AJAP1: variants seen among roughly 807,000 people sequenced by gnomAD.
AJAP1 encodes the protein adherens junctions associated protein 1, also known as adherens junction-associated protein 1.
In AJAP1, 5 loss-of-function variants were observed where a neutral mutation model predicts 35.0. The observed-to-expected ratio is 0.14, with a 90% CI of 0.07 to 0.30. The LOEUF is 0.30. Among genes scored for constraint, AJAP1 ranks in the 10% least tolerant of loss-of-function variants. The pLI, the probability that AJAP1 is intolerant of heterozygous loss-of-function variation, is 1.00. For missense variants in AJAP1, 586 were observed against 571.0 expected, an observed-to-expected ratio of 1.03 and a Z score of -0.27; for synonymous variants, 284 against 249.3, an observed-to-expected ratio of 1.14 and a Z score of -1.31.
At chr1:4,771,267 A>C (rs1641828033) in intron 3 of AJAP1, among the ~76,000 whole-genome samples, 1 of 152,182 alleles carries the variant, frequency 6.6e-6, no homozygotes, top group Non-Finnish European at 1.5e-5. Flanking sequence ...TGCGTTTGGC[A>C]TTCACCTTCT....
At chr1:4,683,643 C>G (rs1229254870) in intron 1 of AJAP1, among the ~76,000 whole-genome samples, 4 of 152,198 alleles carry the variant, frequency 2.6e-5, no homozygotes, top group African/African-American at 9.6e-5. Context: ...AGTCTTTCCC[C>G]CGGGGACTCT....
chr1:4,705,140 G>A (rs935695054), intron 1 of AJAP1, among the ~76,000 whole-genome samples: 2 of 152,068 alleles, frequency 1.3e-5, no homozygotes, highest in African/African-American at 4.8e-5. Context: ...TTCTTTTGCT[G>A]TGCAGAAGCT....
In AJAP1 at chr1:4,670,228, G is replaced by A. The variant is rs953292636; in HGVS notation, c.29+14774G>A. ...TGTTCACAGCGCTGGGCCTGTGGCA[G>A]CCGGTCTGTCTTTACTCCTTACACA... On this transcript the variant is annotated intron_variant, in intron 1 of 5. Transcript: ENST00000378191. 5.9e-5 allele frequency among the ~76,000 whole-genome samples: 9 copies of A among 152,120 alleles called. 1 individual carries two copies. Among genetic ancestry groups the A allele is most frequent in the African/African-American group, 1.2e-4 (5 of 41,434 alleles).
At chr1:4,676,173 C>T (rs531442987) in intron 1 of AJAP1, among the ~76,000 whole-genome samples, 4 of 152,190 alleles carry the variant, frequency 2.6e-5, no homozygotes, top group Non-Finnish European at 5.9e-5. Flanking sequence ...TGTGCACCGG[C>T]CTTGCCTCCT....
At chr1:4,664,897 C>T (rs17421247) in intron 1 of AJAP1, among the ~76,000 whole-genome samples, 29,896 of 151,964 alleles carry the variant, frequency 0.2, 3,752 homozygotes, top group Non-Finnish European at 0.28. Context: ...CATGCAGCTA[C>T]GATATATATA....
rs150246140 is a variant in AJAP1 at position 4,743,886 on chromosome 1, C to T, written c.830-25967C>T. 3.4e-3 allele frequency among the ~76,000 whole-genome samples: 521 copies of T among 152,066 alleles called. 4 individuals are homozygous for T. Among genetic ancestry groups the T allele is most frequent in the African/African-American group, 0.011 (447 of 41,446 alleles). On this transcript the variant is annotated intron_variant, in intron 2 of 5. Transcript: ENST00000378191. ...TGATTCAGTCTTGATGATATAATTA[C>T]GGGAGAAGGTGGGGCCACGGCACCC...
intron 1 of AJAP1, among the ~76,000 whole-genome samples, chr1:4,688,849 G>A (rs531588444): frequency 4.0e-5 from 6 of 150,662 alleles, no homozygotes; most frequent in Admixed American, 3.3e-4. Context: ...CCCCATACTC[G>A]AACTGTATTA....
intron 1 of AJAP1, among the ~76,000 whole-genome samples, chr1:4,677,586 G>A (rs1218766589): frequency 6.8e-6 from 1 of 147,536 alleles, no homozygotes; most frequent in Non-Finnish European, 1.5e-5. Context: ...AGGGAAGGAA[G>A]GATTAAAAAA....
chr1:4,767,435 T>A (rs1641709018), intron 2 of AJAP1, among the ~76,000 whole-genome samples: 1 of 151,568 alleles, frequency 6.6e-6, no homozygotes, highest in Non-Finnish European at 1.5e-5. Context: ...ACCATCACTA[T>A]CATCATCACC....
chr1:4,711,043 A>G lies in AJAP1; in HGVS notation c.30-857A>G, dbSNP rs1474616126. On this transcript the variant is annotated intron_variant, in intron 1 of 5. Coordinates refer to ENST00000378191, the MANE Select transcript of AJAP1 (RefSeq NM_018836.4). The stretch of plus-strand genomic sequence containing the variant: ...GCCCTCCGGGGAGCTGAGGAGGTGG[A>G]TAACAGGGTTTCAAAGGGCACCGGC... 3.3e-5 allele frequency: 5 copies of G among 152,366 alleles called. No homozygotes were observed. The East Asian group carries it at 7.7e-4, about 24-fold the overall frequency. 9.4% of individuals were successfully genotyped at this position (152,366 alleles called of 1,614,324 possible).
At position 4,692,134 on chromosome 1, in the gene AJAP1, C is replaced by G. The variant is rs76364461; in HGVS notation, c.30-19766C>G. Among the ~76,000 whole-genome samples the G allele has an allele frequency of 4.6e-5, 7 of 152,140 alleles. No individual in the cohort carries two copies. Among genetic ancestry groups the G allele is most frequent in the African/African-American group, 1.4e-4 (6 of 41,432 alleles). On this transcript the variant is annotated intron_variant, in intron 1 of 5. Coordinates refer to ENST00000378191, the MANE Select transcript of AJAP1 (RefSeq NM_018836.4). This position sits in a 1 kb window ranked among gnomAD's most constrained non-coding sequence, Gnocchi z 4.4. The stretch of plus-strand genomic sequence containing the variant: ...CTGCGTGGATCTATTATCTCTGCAT[C>G]GTTGCCGCCTTCTCGAGGGTTAGGA...
chr1:4,683,591 A>G (rs1048136060), intron 1 of AJAP1, among the ~76,000 whole-genome samples: 1 of 152,236 alleles, frequency 6.6e-6, no homozygotes, highest in African/African-American at 2.4e-5. Context: ...AGGAATTTCT[A>G]CGGGTTTTAG....
At position 4,791,394 on chromosome 1, in the gene AJAP1, G is replaced by A. The variant is rs145015486; in HGVS notation, c.*8909G>A. On this transcript the variant is annotated 3_prime_UTR_variant, in exon 6 of 6. Coordinates refer to ENST00000378191, the MANE Select transcript of AJAP1 (RefSeq NM_018836.4). ...GAAAATACCAATAACCAAACAGAAG[G>A]GAAATGTCTGGAACCTTCCAGTTGT... The A allele has an allele frequency of 6.6e-6, 1 of 152,302 alleles. No individual in the cohort carries two copies. The highest frequency in any genetic ancestry group is 1.9e-4 in the East Asian group (1 of 5,190). 9.4% of individuals were successfully genotyped at this position (152,302 alleles called of 1,614,324 possible). A position where few individuals can be genotyped will look rare whatever the true frequency, so the allele number is the denominator to read the frequency against.
chr1:4,709,676 C>A (rs1485842662), intron 1 of AJAP1, among the ~76,000 whole-genome samples: 2 of 152,178 alleles, frequency 1.3e-5, no homozygotes, highest in Non-Finnish European at 2.9e-5. Flanking sequence ...TCACCCTAAC[C>A]TAAATTCGTC....
At chr1:4,766,424 T>C (rs931422714) in intron 2 of AJAP1, among the ~76,000 whole-genome samples, 2 of 152,178 alleles carry the variant, frequency 1.3e-5, no homozygotes, top group African/African-American at 4.8e-5. Flanking sequence ...ACTTCTCCCA[T>C]GTTATTTTGC....
chr1:4,746,025 G>A (rs1434105672), intron 2 of AJAP1, among the ~76,000 whole-genome samples: 6 of 152,124 alleles, frequency 3.9e-5, no homozygotes, highest in South Asian at 4.2e-4. Context: ...ACCAAGTTTC[G>A]CACATGGGTG....
chr1:4,787,906 G>C lies in AJAP1; in HGVS notation c.*5421G>C, dbSNP rs1253329748. 9 of 350,434 alleles carry C rather than the reference G, an allele frequency of 2.6e-5. No individual in the cohort carries two copies. The highest frequency in any genetic ancestry group is 1.9e-4 in the South Asian group (9 of 47,828). 21.7% of individuals were successfully genotyped at this position (350,434 alleles called of 1,614,324 possible). On this transcript the variant is annotated 3_prime_UTR_variant, in exon 6 of 6. Transcript: ENST00000378191. ...CTTCTTAAACAGCATCTGCTTTTAA[G>C]TAAGCAGCTATTCCAAAACATGCCG... is the stretch of plus-strand genomic sequence containing the variant.
intron 1 of AJAP1, among the ~76,000 whole-genome samples, chr1:4,710,334 C>G (rs1169337791): frequency 6.6e-6 from 1 of 152,114 alleles, no homozygotes; most frequent in Non-Finnish European, 1.5e-5. Context: ...CACTCACGCA[C>G]AGTCTCTCAC....
intron 3 of AJAP1, among the ~76,000 whole-genome samples, chr1:4,771,210 G>C (rs1253797152): frequency 2.6e-5 from 4 of 152,212 alleles, no homozygotes; most frequent in Non-Finnish European, 4.4e-5. Context: ...CAAGTCCTAT[G>C]AACCTGACCT....
Sources: gnomAD v4.1 joint callset for allele counts (sites outside exome capture counted in the v4.1 genomes callset) on GRCh38, gnomAD v4.1.1 for gene constraint, Gnocchi (gnomAD v3.1) non-coding constraint, MANE v1.5 for transcripts, NCBI Gene and HGNC (gene_info 2026-07-23, HGNC 2026-07-21) for gene names.